The following COL23A1 variants were observed in gnomAD, a reference collection of about 807,000 sequenced individuals.
COL23A1 encodes collagen type XXIII alpha 1 chain, also known as collagen alpha-1(XXIII) chain.
A neutral mutation model predicts 99.3 loss-of-function variants in COL23A1; 97 were observed. The observed-to-expected ratio is 0.98, with a 90% confidence interval of 0.83 to 1.16. The LOEUF (loss-of-function observed/expected upper bound fraction) is 1.16. Among genes scored for constraint, COL23A1 ranks in the 50% most tolerant of loss-of-function variants. The pLI is 0.00. For synonymous variants in COL23A1, 320 were observed against 308.2 expected (o/e 1.04, Z -0.40); for missense variants, 762 against 757.4 (o/e 1.01, Z -0.07).
At chr5:178,520,415 G>A (rs1202885364) in intron 2 of COL23A1, among the ~76,000 whole-genome samples, 1 of 152,174 alleles carries the variant, frequency 6.6e-6, no homozygotes, top group Non-Finnish European at 1.5e-5. Flanking sequence ...CATCACTGAA[G>A]AACTGATACG....
intron 2 of COL23A1, among the ~76,000 whole-genome samples, chr5:178,498,267 TAAAAATAAAA>T (rs1357303878): frequency 2.0e-5 from 2 of 98,648 alleles, no homozygotes; most frequent in Non-Finnish European, 4.2e-5. Context: ...TAAAAGAACT[TAAAAATAAAA>T]AAATAAAAAT....
intron 2 of COL23A1, among the ~76,000 whole-genome samples, chr5:178,471,246 T>C (rs1408748931): frequency 1.9e-5 from 1 of 52,218 alleles, no homozygotes; most frequent in Non-Finnish European, 7.8e-5. Flanking sequence ...TTATGTTTTC[T>C]TTCTTTTTTT....
At chr5:178,377,601 C>A (rs1203815183) in intron 2 of COL23A1, among the ~76,000 whole-genome samples, 1 of 152,236 alleles carries the variant, frequency 6.6e-6, no homozygotes, top group Non-Finnish European at 1.5e-5. Flanking sequence ...AATTCCCCAT[C>A]CCAACCCCAT....
intron 22 of COL23A1, among the ~76,000 whole-genome samples, chr5:178,246,959 A>T (rs1764733174): frequency 6.6e-6 from 1 of 152,112 alleles, no homozygotes; most frequent in Non-Finnish European, 1.5e-5. Flanking sequence ...TGAGCTGGGG[A>T]AGCAGAGATT....
chr5:178,370,643 T>C (rs913448442), intron 2 of COL23A1, among the ~76,000 whole-genome samples: 16 of 152,282 alleles, frequency 1.1e-4, no homozygotes, highest in Admixed American at 8.5e-4. Flanking sequence ...GGCAGGAAGA[T>C]GGGTTGCACC....
intron 5 of COL23A1, among the ~76,000 whole-genome samples, chr5:178,272,078 C>T (rs7728532): frequency 0.22 from 32,768 of 152,266 alleles, 4,467 homozygotes; most frequent in Non-Finnish European, 0.3. Context: ...CACCCCTGTC[C>T]GTCCCGAGCT....
rs556328230 is a variant in COL23A1 at position 178,408,373 on chromosome 5, G to C, written c.362-101454C>G. ...TTAAAGAAGGAATATTGGAACATCA[G>C]GGAGGGAGAAAGAACACAGTAAGCA... On this transcript the variant is annotated intron_variant, in intron 2 of 28. Coordinates refer to ENST00000390654, the MANE Select transcript of COL23A1 (RefSeq NM_173465.4). Among the ~76,000 whole-genome samples the C allele has an allele frequency of 5.9e-5, 9 of 152,338 alleles. No homozygotes were observed. In the South Asian group the frequency reaches 1.9e-3, roughly 32 times the overall value.
In COL23A1 at chr5:178,280,922, G is replaced by A. The variant is rs78769197; in HGVS notation, c.441+7402C>T. Among the ~76,000 whole-genome samples, 582 of 152,298 alleles carry A rather than the reference G, an allele frequency of 3.8e-3. 7 individuals are homozygous for A. Among genetic ancestry groups the A allele is most frequent in the African/African-American group, 0.013 (554 of 41,572 alleles). ...CGGGCCCCACTGACCTGGGGTGGCCGCCTCCTGTGAATGGGCTGCCCCACA... is the reference window on the plus strand; with the variant it reads ...CGGGCCCCACTGACCTGGGGTGGCCACCTCCTGTGAATGGGCTGCCCCACA... On this transcript the variant is annotated intron_variant, in intron 5 of 28. Coordinates refer to ENST00000390654, the MANE Select transcript of COL23A1 (RefSeq NM_173465.4). The surrounding 1 kb of genome is among the most constrained non-coding windows in gnomAD (Gnocchi z 4.9).
chr5:178,480,500 T>C (rs1470356237), intron 2 of COL23A1, among the ~76,000 whole-genome samples: 5 of 152,202 alleles, frequency 3.3e-5, no homozygotes, highest in South Asian at 2.1e-4. Context: ...ACTAACACCA[T>C]TGCAACCCAG....
At position 178,261,748 on chromosome 5, in the gene COL23A1, C is replaced by T. The variant is rs1177736186; in HGVS notation, c.676G>A (p.Gly226Ser). ...TTGGGCCCTGGGGGTCCCTTTGGGC[C>T]CTGGAACAAGAGAAGAGAAGGTGTT... ...KGEPGQDGEM[G>S]PKGPPGPKGE... The change falls in exon 11 of 29, where the codon GGC (glycine) becomes AGC (serine). Residue 226 changes from glycine (G) to serine (S), a missense_variant and splice_region_variant. Physicochemically the swap from Gly to Ser is moderately conservative, Grantham distance 56. Coordinates refer to ENST00000390654, the MANE Select transcript of COL23A1 (RefSeq NM_173465.4). The T allele has an allele frequency of 1.3e-5, 21 of 1,607,780 alleles. 1 individual carries two copies. The Admixed American group carries it at 2.0e-4, about 15-fold the overall frequency.
rs1184218816 is a variant in COL23A1 at position 178,468,317 on chromosome 5, A to G, written c.361+92365T>C. Reference sequence around the variant, plus strand: ...AAATCCAAGCTCATTAATAGGCCAGAGGGTGAGAGAGAACACGGAGGTGCA... The same window carrying G: ...AAATCCAAGCTCATTAATAGGCCAGGGGGTGAGAGAGAACACGGAGGTGCA... On this transcript the variant is annotated intron_variant, in intron 2 of 28. Coordinates refer to ENST00000390654, the MANE Select transcript of COL23A1 (RefSeq NM_173465.4). This position sits in a 1 kb window ranked among gnomAD's most constrained non-coding sequence, Gnocchi z 4.2. Among the ~76,000 whole-genome samples, 1 of 152,050 alleles carries G rather than the reference A, an allele frequency of 6.6e-6. No individual in the cohort carries two copies. The highest frequency in any genetic ancestry group is 1.5e-5 in the Non-Finnish European group (1 of 68,012).
chr5:178,250,000 C>T, intron 18 of COL23A1, 61 bp downstream of exon 18: 2 of 1,574,262 alleles, frequency 1.3e-6, no homozygotes, highest in Non-Finnish European at 1.7e-6. Flanking sequence ...CACACACACA[C>T]ACACACACAG....
chr5:178,545,518 G>T (rs1461293079), intron 2 of COL23A1, among the ~76,000 whole-genome samples: 3 of 152,178 alleles, frequency 2.0e-5, no homozygotes, highest in African/African-American at 4.8e-5. Context: ...TTGGGAAACT[G>T]CAAGGGGACA....
chr5:178,549,822 CAAAACA>C (rs1208623727), intron 2 of COL23A1, among the ~76,000 whole-genome samples: 6 of 150,650 alleles, frequency 4.0e-5, no homozygotes, highest in African/African-American at 7.3e-5. Context: ...TCTCAAAAAA[CAAAACA>C]AAAACAAAAA....
At position 178,366,409 on chromosome 5, in the gene COL23A1, C is replaced by T. The variant is rs1238290076; in HGVS notation, c.362-59490G>A. Among the ~76,000 whole-genome samples, 1 of 152,230 alleles carries T rather than the reference C, an allele frequency of 6.6e-6. No individual in the cohort carries two copies. The highest frequency in any genetic ancestry group is 1.5e-5 in the Non-Finnish European group (1 of 68,038). ...TGGTCGCTGGGGTCTGTCTTCCCAGCTCCCATCCGCCCTTCCCTGCATCCT... is the reference window on the plus strand; with the variant it reads ...TGGTCGCTGGGGTCTGTCTTCCCAGTTCCCATCCGCCCTTCCCTGCATCCT... On this transcript the variant is annotated intron_variant, in intron 2 of 28. Coordinates refer to ENST00000390654, the MANE Select transcript of COL23A1 (RefSeq NM_173465.4). The surrounding 1 kb of genome is among the most constrained non-coding windows in gnomAD (Gnocchi z 4.4).
Position 178,242,039 on chromosome 5 carries a change from T to A in COL23A1, c.1581+3A>T. The A allele has an allele frequency of 6.4e-7, 1 of 1,553,250 alleles. No individual in the cohort carries two copies. Among genetic ancestry groups the A allele is most frequent in the Non-Finnish European group, 8.7e-7 (1 of 1,147,568 alleles). ...TGGGGCAGGGCCCTCCTCCGACACC[T>A]ACCACGGGACACGGCTGGTCCAGGC... On this transcript the variant is annotated splice_donor_region_variant and intron_variant, in intron 27 of 28. Coordinates refer to ENST00000390654, the MANE Select transcript of COL23A1 (RefSeq NM_173465.4).
intron 20 of COL23A1, among the ~76,000 whole-genome samples, 176 bp downstream of exon 20, chr5:178,248,016 A>G (rs1764806477): frequency 6.6e-6 from 1 of 152,172 alleles, no homozygotes; most frequent in South Asian, 2.1e-4. Context: ...ACTGCACTCC[A>G]GCCTGGGAGA....
intron 22 of COL23A1, 47 bp downstream of exon 22, chr5:178,247,479 C>T: frequency 6.2e-7 from 1 of 1,610,642 alleles, no homozygotes; most frequent in Non-Finnish European, 8.5e-7. Flanking sequence ...TTGGAAACTG[C>T]CCAGACGGTG....
intron 1 of COL23A1, among the ~76,000 whole-genome samples, chr5:178,575,381 G>C (rs1054411052): frequency 2.0e-5 from 3 of 151,742 alleles, no homozygotes; most frequent in Non-Finnish European, 4.4e-5. Flanking sequence ...GACCCCCTTT[G>C]AAAATGCAGC....
Sources: allele counts gnomAD v4.1 joint callset (sites outside exome capture counted in the v4.1 genomes callset), GRCh38; gene constraint gnomAD v4.1.1; non-coding constraint Gnocchi (gnomAD v3.1); transcripts MANE v1.5; gene names NCBI Gene and HGNC (gene_info 2026-07-23, HGNC 2026-07-21).